USP49: variants seen among roughly 807,000 people sequenced by gnomAD.
The protein encoded by USP49 is ubiquitin specific peptidase 49.
A neutral mutation model predicts 58.6 loss-of-function variants in USP49; 24 were observed. The ratio of observed to expected loss-of-function variants is 0.41; its 90% CI spans 0.30 to 0.58. USP49 has a LOEUF of 0.58. Among genes scored for constraint, USP49 ranks in the 20% least tolerant of loss-of-function variants. The pLI, the probability that USP49 is intolerant of heterozygous loss-of-function variation, is 0.30. For synonymous variants in USP49, 408 were observed against 365.1 expected, an observed-to-expected ratio of 1.12 and a Z score of -1.34; for missense variants, 703 against 866.1, an observed-to-expected ratio of 0.81 and a Z score of 2.36.
In USP49 at chr6:41,886,169, A is replaced by T. The variant is rs529211072; in HGVS notation, c.-103+5625T>A. ...TTAGATACAAGCATGCAATCAGTGT[A>T]TAGCCATAAGCATCCAATTGATATA... is the stretch of plus-strand genomic sequence containing the variant. On this transcript the variant is annotated intron_variant, in intron 2 of 7. Coordinates refer to ENST00000682992, the MANE Select transcript of USP49 (RefSeq NM_001286554.2). Among the ~76,000 whole-genome samples, 12 of 152,376 alleles carry T rather than the reference A, an allele frequency of 7.9e-5. No individual in the cohort carries two copies. In the South Asian group the frequency reaches 1.4e-3, roughly 18 times the overall value.
rs570257811 is a variant in USP49 at position 41,806,043 on chromosome 6, T to C, written c.941A>G (p.Glu314Gly). 3 of 1,614,026 alleles carry C rather than the reference T, an allele frequency of 1.9e-6. No individual in the cohort carries two copies. The highest frequency in any genetic ancestry group is 1.7e-5 in the Admixed American group (1 of 60,034). Residue 314 changes from glutamate (E) to glycine (G), a missense_variant, in exon 4 of 8, where the codon GAG becomes GGG. By Grantham distance (98) the Glu-to-Gly change is moderately conservative (BLOSUM62 -2). This residue lies in a region of USP49 where 97 missense variants were observed against 88.0 expected (regional missense o/e 1.10). Transcript: ENST00000682992. This position sits in a 1 kb window ranked among gnomAD's most constrained non-coding sequence, Gnocchi z 5.9. The stretch of plus-strand genomic sequence containing the variant: ...GGCCCTGTCATTTCTCAAGGACAGC[T>C]CCGTGGCCGAGCTGTTGGTTGGCTT... The part of the protein sequence containing the change: ...SGKPTNSSAT[E>G]LSLRNDRAEA...
At chr6:41,796,945 ATTT>A (rs5875772) in intron 7 of USP49, among the ~76,000 whole-genome samples, 1,845 of 107,710 alleles carry the variant, frequency 0.017, 25 homozygotes, top group African/African-American at 0.055. Flanking sequence ...ACTGACTGCA[ATTT>A]TTTTTTTTTT....
chr6:41,882,377 G>A (rs144180831), intron 2 of USP49, among the ~76,000 whole-genome samples: 1 of 152,302 alleles, frequency 6.6e-6, no homozygotes, highest in African/African-American at 2.4e-5. Context: ...CAACTGGAAG[G>A]TTCAGCTAGT....
chr6:41,798,626 T>C, intron 7 of USP49, 98 bp downstream of exon 7: 1 of 1,603,830 alleles, frequency 6.2e-7, no homozygotes, highest in Non-Finnish European at 8.5e-7. Context: ...AATTTCCCTC[T>C]AGGTAATCCA....
At chr6:41,893,225 C>T (rs182852494) in intron 1 of USP49, among the ~76,000 whole-genome samples, 749 of 152,300 alleles carry the variant, frequency 4.9e-3, no homozygotes, top group Non-Finnish European at 5.9e-3. Flanking sequence ...TTCTCCCTTT[C>T]TTTATGCCAT....
chr6:41,827,191 G>A (rs904409747), intron 3 of USP49, among the ~76,000 whole-genome samples: 3 of 152,140 alleles, frequency 2.0e-5, no homozygotes, highest in Admixed American at 6.5e-5. Flanking sequence ...CCAAGAAACT[G>A]GGCATCATAC....
At chr6:41,861,920 C>T (rs745344939) in intron 3 of USP49, among the ~76,000 whole-genome samples, 1 of 152,060 alleles carries the variant, frequency 6.6e-6, no homozygotes, top group Non-Finnish European at 1.5e-5. Context: ...AGACTGGTCT[C>T]GAACTCCTGT....
intron 3 of USP49, among the ~76,000 whole-genome samples, chr6:41,829,399 C>T (rs1443445404): frequency 6.6e-6 from 1 of 151,700 alleles, no homozygotes; most frequent in Non-Finnish European, 1.5e-5. Flanking sequence ...ACTGCAACCT[C>T]GCCTCCCGGG....
intron 2 of USP49, among the ~76,000 whole-genome samples, chr6:41,881,932 G>A (rs189940656): frequency 5.9e-4 from 89 of 151,900 alleles, no homozygotes; most frequent in Non-Finnish European, 1.1e-3. Context: ...CCAAAGCTTC[G>A]TAAATTAATC....
chr6:41,858,299 A>C (rs1406154822), intron 3 of USP49, among the ~76,000 whole-genome samples: 1 of 152,190 alleles, frequency 6.6e-6, no homozygotes, highest in Non-Finnish European at 1.5e-5. Context: ...ATAGGTATCT[A>C]TGCTTGCCTG....
At chr6:41,822,981 G>C (rs59579329) in intron 3 of USP49, among the ~76,000 whole-genome samples, 1 of 152,184 alleles carries the variant, frequency 6.6e-6, no homozygotes, top group East Asian at 1.9e-4. Context: ...CTTTAATAGG[G>C]GATAGGTTAA....
chr6:41,842,550 T>C (rs78371553), intron 3 of USP49, among the ~76,000 whole-genome samples: 218 of 152,334 alleles, frequency 1.4e-3, no homozygotes, highest in African/African-American at 5.1e-3. Context: ...AATGCTCATG[T>C]CTGTGTATAT....
At position 41,859,679 on chromosome 6, in the gene USP49, A is replaced by G. The variant is rs770733115; in HGVS notation, c.-29+11885T>C. The stretch of plus-strand genomic sequence containing the variant: ...CAGTGTCCTCTTTGGCAAATTATTA[A>G]TTGCTATGTCTAAGATTCTTTTTAC... On this transcript the variant is annotated intron_variant, in intron 3 of 7. Transcript: ENST00000682992. Among the ~76,000 whole-genome samples, 179 of 152,330 alleles carry G rather than the reference A, an allele frequency of 1.2e-3. 1 individual carries two copies. The highest frequency in any genetic ancestry group is 1.8e-3 in the Non-Finnish European group (122 of 68,032).
At chr6:41,879,502 C>T (rs1327101143) in intron 2 of USP49, among the ~76,000 whole-genome samples, 3 of 152,078 alleles carry the variant, frequency 2.0e-5, no homozygotes, top group Non-Finnish European at 4.4e-5. Context: ...CTCAAAGTGC[C>T]TCTGAAAGTG....
chr6:41,840,096 C>T (rs889808385), intron 3 of USP49, among the ~76,000 whole-genome samples: 26 of 151,696 alleles, frequency 1.7e-4, no homozygotes, highest in Admixed American at 7.9e-4. Flanking sequence ...AAAAATAGGC[C>T]GGGCACGGTG....
chr6:41,807,057 T>G, intron 3 of USP49, 46 bp from the exon 4 acceptor site: 1 of 1,291,726 alleles, frequency 7.7e-7, no homozygotes, highest in Non-Finnish European at 9.9e-7. Flanking sequence ...AAGAAAACAC[T>G]TTTAGAAAAA....
chr6:41,805,339 A>G (rs1773090252), intron 4 of USP49, among the ~76,000 whole-genome samples: 1 of 152,178 alleles, frequency 6.6e-6, no homozygotes, highest in Non-Finnish European at 1.5e-5. Context: ...AATTATAACA[A>G]TGAGAATATT....
At chr6:41,839,131 G>A (rs1187054276) in intron 3 of USP49, among the ~76,000 whole-genome samples, 1 of 152,066 alleles carries the variant, frequency 6.6e-6, no homozygotes, top group African/African-American at 2.4e-5. Context: ...AAGAGTCCTG[G>A]TGTGGTGGTT....
At chr6:41,873,096 A>C (rs1053779253) in intron 2 of USP49, 4 of 152,202 alleles carry the variant, frequency 2.6e-5, no homozygotes, top group African/African-American at 9.7e-5. Context: ...GAATGGGGAG[A>C]AGAATGAGGA....
Sources: gnomAD v4.1 joint callset for allele counts (sites outside exome capture counted in the v4.1 genomes callset) on GRCh38, gnomAD v4.1.1 for gene constraint, gnomAD v4.1.1 regional missense constraint, Gnocchi (gnomAD v3.1) non-coding constraint, MANE v1.5 for transcripts, NCBI Gene and HGNC (gene_info 2026-07-23, HGNC 2026-07-21) for gene names.